Variants in SUCLG2 observed in about 807,000 individuals in gnomAD.
SUCLG2 encodes the protein succinate--CoA ligase [GDP-forming] subunit beta, mitochondrial.
A neutral mutation model predicts 47.9 loss-of-function variants in SUCLG2; 42 were observed. That is an observed-to-expected ratio of 0.88 (90% confidence interval 0.69 to 1.14). The LOEUF (loss-of-function observed/expected upper bound fraction) is 1.14. Ranked by LOEUF, SUCLG2 falls within the 50% of genes most tolerant of loss-of-function variation. The probability of loss-of-function intolerance (pLI) is 0.00; values close to 1 mark genes in which losing one functional copy is unlikely to be tolerated. For synonymous variants in SUCLG2, 195 were observed against 197.3 expected, an observed-to-expected ratio of 0.99 and a Z score of 0.10; for missense variants, 571 against 525.9, an observed-to-expected ratio of 1.09 and a Z score of -0.84.
At chr3:67,563,091 A>T (rs913711937) in intron 2 of SUCLG2, among the ~76,000 whole-genome samples, 7 of 149,002 alleles carry the variant, frequency 4.7e-5, no homozygotes, top group Middle Eastern at 3.5e-3. Flanking sequence ...TAGTTTATTT[A>T]TAATTTTAAT....
intron 9 of SUCLG2, among the ~76,000 whole-genome samples, chr3:67,462,832 CCTGTGGGATCTGAGATTA>C (rs1443726544): frequency 1.3e-5 from 2 of 152,130 alleles, no homozygotes; most frequent in African/African-American, 4.8e-5. Flanking sequence ...GAGCCCTCAA[CCTGTGGGATCTGAGATTA>C]TCTCCAGGTG....
At chr3:67,494,198 A>G (rs1705273315) in intron 9 of SUCLG2, among the ~76,000 whole-genome samples, 1 of 152,140 alleles carries the variant, frequency 6.6e-6, no homozygotes, top group Admixed American at 6.5e-5. Flanking sequence ...TTTAGTTCAG[A>G]CCACATTTCT....
intron 9 of SUCLG2, among the ~76,000 whole-genome samples, chr3:67,472,279 TA>T (rs1404371982): frequency 6.6e-6 from 1 of 152,196 alleles, no homozygotes; most frequent in African/African-American, 2.4e-5. Flanking sequence ...ACTTGTACAT[TA>T]AAAAATATTT....
In SUCLG2 at chr3:67,447,752, C is replaced by T. The variant is rs140976309; in HGVS notation, c.1063-46901G>A. On this transcript the variant is annotated intron_variant, in intron 9 of 10. Transcript: ENST00000307227. Reference sequence around the variant, plus strand: ...TTATTAATGCATTTATTTATTGAGACGGAGTCTTGCTCTGTAGCCCAGGAT... The same window carrying T: ...TTATTAATGCATTTATTTATTGAGATGGAGTCTTGCTCTGTAGCCCAGGAT... 8.3e-3 allele frequency among the ~76,000 whole-genome samples: 1,259 copies of T among 152,252 alleles called. 17 individuals carry two copies. The highest frequency in any genetic ancestry group is 0.029 in the African/African-American group (1,184 of 41,542).
intron 1 of SUCLG2, among the ~76,000 whole-genome samples, chr3:67,637,086 A>G (rs1701023606): frequency 6.6e-6 from 1 of 152,204 alleles, no homozygotes; most frequent in Non-Finnish European, 1.5e-5. Context: ...TTCACAAGCC[A>G]GAATCAAGTA....
At chr3:67,482,167 G>T (rs1192357102) in intron 9 of SUCLG2, among the ~76,000 whole-genome samples, 2 of 152,050 alleles carry the variant, frequency 1.3e-5, no homozygotes, top group Non-Finnish European at 2.9e-5. Context: ...GTGACAGAGT[G>T]AGACTATCTC....
intron 2 of SUCLG2, among the ~76,000 whole-genome samples, chr3:67,591,418 T>C (rs1266978775): frequency 6.6e-6 from 1 of 152,166 alleles, no homozygotes; most frequent in Non-Finnish European, 1.5e-5. Flanking sequence ...TGTGCCCCCA[T>C]CCAAATCTCA....
chr3:67,637,807 A>G (rs931630672), intron 1 of SUCLG2, among the ~76,000 whole-genome samples: 2 of 152,168 alleles, frequency 1.3e-5, no homozygotes, highest in African/African-American at 4.8e-5. Context: ...CTTTTGATCC[A>G]TGTAGCTTTC....
chr3:67,522,322 G>A lies in SUCLG2; in HGVS notation c.418-1688C>T, dbSNP rs191521941. The stretch of plus-strand genomic sequence containing the variant: ...AGATTCCCAAAGTGTTGGGATTACA[G>A]GCATGAGTCATGGTGCCTGGCCTGC... On this transcript the variant is annotated intron_variant, in intron 4 of 10. Transcript: ENST00000307227. Among the ~76,000 whole-genome samples the A allele has an allele frequency of 2.6e-5, 4 of 152,140 alleles. No individual in the cohort carries two copies. The East Asian group carries it at 7.7e-4, about 29-fold the overall frequency.
chr3:67,426,905 G>A (rs562329520), intron 9 of SUCLG2, among the ~76,000 whole-genome samples: 1 of 151,990 alleles, frequency 6.6e-6, no homozygotes, highest in African/African-American at 2.4e-5. Context: ...CCAACCTGGC[G>A]ACAGAGCAAG....
At chr3:67,530,199 C>T (rs989897145) in intron 2 of SUCLG2, among the ~76,000 whole-genome samples, 2 of 152,108 alleles carry the variant, frequency 1.3e-5, no homozygotes, top group African/African-American at 2.4e-5. Flanking sequence ...GGCCTTCATC[C>T]CTCACCCAGC....
intron 1 of SUCLG2, among the ~76,000 whole-genome samples, chr3:67,621,627 G>A (rs891831632): frequency 2.6e-5 from 4 of 152,082 alleles, no homozygotes; most frequent in African/African-American, 9.7e-5. Context: ...GGATTAATGG[G>A]TTAATGGATT....
At chr3:67,546,795 G>A (rs1402153574) in intron 2 of SUCLG2, among the ~76,000 whole-genome samples, 1 of 151,988 alleles carries the variant, frequency 6.6e-6, no homozygotes, top group Non-Finnish European at 1.5e-5. Flanking sequence ...CAGCTACTTG[G>A]GAGGCTGAGG....
intron 1 of SUCLG2, among the ~76,000 whole-genome samples, chr3:67,615,304 A>T (rs1700604877): frequency 6.6e-6 from 1 of 152,094 alleles, no homozygotes; most frequent in Non-Finnish European, 1.5e-5. Context: ...ATGGTTTTAA[A>T]ATTAGAGGTG....
At chr3:67,491,433 C>T (rs571435230) in intron 9 of SUCLG2, among the ~76,000 whole-genome samples, 2 of 147,942 alleles carry the variant, frequency 1.4e-5, no homozygotes, top group South Asian at 2.2e-4. Flanking sequence ...GGCACAATCT[C>T]GGCTCACTGC....
chr3:67,429,246 T>C (rs879232542), intron 9 of SUCLG2, among the ~76,000 whole-genome samples: 47 of 152,346 alleles, frequency 3.1e-4, no homozygotes, highest in African/African-American at 1.1e-3. Context: ...GACTAACAGC[T>C]GATCTCTCAG....
chr3:67,503,525 C>T (rs2107082969), intron 7 of SUCLG2, among the ~76,000 whole-genome samples: 2 of 152,198 alleles, frequency 1.3e-5, no homozygotes, highest in Middle Eastern at 3.4e-3. Context: ...CTGCTTAAAC[C>T]CTTAGCTTTC....
At chr3:67,597,002 C>A (rs1708308774) in intron 2 of SUCLG2, among the ~76,000 whole-genome samples, 1 of 152,194 alleles carries the variant, frequency 6.6e-6, no homozygotes, top group South Asian at 2.1e-4. Flanking sequence ...CAAAAAGCCA[C>A]TATGGACCAG....
At chr3:67,650,718 C>A (rs1259131394) in intron 1 of SUCLG2, among the ~76,000 whole-genome samples, 2 of 152,040 alleles carry the variant, frequency 1.3e-5, no homozygotes, top group African/African-American at 4.8e-5. Context: ...GATCAGGCCA[C>A]CGCACTCCAG....
Sources: allele counts gnomAD v4.1 joint callset (sites outside exome capture counted in the v4.1 genomes callset), GRCh38; gene constraint gnomAD v4.1.1; transcripts MANE v1.5; gene names NCBI Gene and HGNC (gene_info 2026-07-23, HGNC 2026-07-21).